MGME1: variants seen among roughly 807,000 people sequenced by gnomAD.
The protein encoded by MGME1 is chromosome 20 open reading frame 72.
In MGME1, 22 loss-of-function variants were observed where a neutral mutation model predicts 33.0. The observed-to-expected ratio is 0.67, with a 90% CI of 0.48 to 0.95. MGME1 has a LOEUF of 0.95. Ranked by LOEUF, MGME1 falls within the 40% of genes least tolerant of loss-of-function variation. The pLI is 0.00. For missense variants in MGME1, 383 were observed against 397.8 expected, an observed-to-expected ratio of 0.96 and a Z score of 0.32; for synonymous variants, 133 against 144.0, an observed-to-expected ratio of 0.92 and a Z score of 0.55.
chr20:17,981,685 GT>G (rs2036025848), intron 3 of MGME1, among the ~76,000 whole-genome samples: 3 of 147,306 alleles, frequency 2.0e-5, no homozygotes, highest in Non-Finnish European at 4.5e-5. Flanking sequence ...GTGTGTGTGT[GT>G]CAGAGTCTCG....
At chr20:17,978,558 G>A (rs2035926308) in intron 3 of MGME1, among the ~76,000 whole-genome samples, 1 of 152,030 alleles carries the variant, frequency 6.6e-6, no homozygotes, top group East Asian at 1.9e-4. Context: ...GAAGAGCCCT[G>A]TATACCAAGA....
At chr20:17,983,119 C>A (rs62209762) in intron 3 of MGME1, among the ~76,000 whole-genome samples, 43,434 of 151,970 alleles carry the variant, frequency 0.29, 6,840 homozygotes, top group African/African-American at 0.43. Context: ...TTTCTGAGTT[C>A]GACTTTTTTA....
intron 2 of MGME1, among the ~76,000 whole-genome samples, chr20:17,971,625 A>G (rs1377103697): frequency 1.3e-5 from 2 of 152,102 alleles, no homozygotes; most frequent in Non-Finnish European, 1.5e-5. Context: ...AAAGTAAGGA[A>G]GTGCACCAGA....
At chr20:17,970,512 C>T in intron 2 of MGME1, 142 bp downstream of exon 2, 1 of 762,508 alleles carries the variant, frequency 1.3e-6, no homozygotes, top group Non-Finnish European at 2.1e-6. Context: ...CATTAAATAG[C>T]ACTTTATGTG....
intron 3 of MGME1, among the ~76,000 whole-genome samples, chr20:17,986,957 G>A (rs918674910): frequency 1.3e-5 from 2 of 151,894 alleles, no homozygotes; most frequent in African/African-American, 4.8e-5. Flanking sequence ...AAGGCGGGTG[G>A]ATCACTTGAG....
At chr20:17,969,366 G>T (rs747214282) in intron 1 of MGME1, among the ~76,000 whole-genome samples, 4 of 152,186 alleles carry the variant, frequency 2.6e-5, no homozygotes, top group Admixed American at 1.3e-4. Flanking sequence ...CTGTGCAACG[G>T]GTTCATTCTA....
At chr20:17,978,375 T>C (rs2035921304) in intron 3 of MGME1, among the ~76,000 whole-genome samples, 2 of 152,076 alleles carry the variant, frequency 1.3e-5, no homozygotes, top group Non-Finnish European at 2.9e-5. Context: ...CGGCTAATTT[T>C]TGTGTTATTA....
rs79215485 is a variant in MGME1, at chr20:17,985,456, G to A, written c.732-2710G>A. ...TTAAAGAAGTTTATACAGTAAAAAA[G>A]TTACAGTAAGCTAAAGTTAATGTAT... On this transcript the variant is annotated intron_variant, in intron 3 of 4. Coordinates refer to ENST00000377710, the MANE Select transcript of MGME1 (RefSeq NM_052865.4). Among the ~76,000 whole-genome samples, 3 of 152,082 alleles carry A rather than the reference G, an allele frequency of 2.0e-5. No homozygotes were observed. The East Asian group carries it at 5.8e-4, about 29-fold the overall frequency.
chr20:17,981,642 A>G (rs967056557), intron 3 of MGME1, among the ~76,000 whole-genome samples: 3 of 131,826 alleles, frequency 2.3e-5, no homozygotes, highest in South Asian at 2.5e-4. Context: ...TGCCCAATCT[A>G]CTACTCGTGT....
intron 3 of MGME1, among the ~76,000 whole-genome samples, chr20:17,985,889 C>T (rs895263779): frequency 5.3e-5 from 8 of 152,302 alleles, no homozygotes; most frequent in African/African-American, 1.9e-4. Flanking sequence ...CCTAACCATG[C>T]ATTTCTCAGG....
chr20:17,981,648 C>CGTGTGTGTGTGTGT (rs10677204), intron 3 of MGME1, among the ~76,000 whole-genome samples: 23 of 139,810 alleles, frequency 1.6e-4, no homozygotes, highest in African/African-American at 5.3e-4. Flanking sequence ...ATCTACTACT[C>CGTGTGTGTGTGTGT]GTGTGTGTGT....
intron 2 of MGME1, among the ~76,000 whole-genome samples, chr20:17,975,385 C>T (rs2035832755): frequency 6.6e-6 from 1 of 151,828 alleles, no homozygotes; most frequent in Non-Finnish European, 1.5e-5. Context: ...GGTGAAACCC[C>T]ATCTCTACTA....
intron 3 of MGME1, among the ~76,000 whole-genome samples, chr20:17,986,688 G>A (rs945615936): frequency 3.6e-4 from 55 of 152,216 alleles, no homozygotes; most frequent in African/African-American, 1.3e-3. Context: ...TAAAGATTGC[G>A]TGGAACCTAT....
In MGME1 at chr20:17,969,794, C is replaced by T. The variant is rs181406678; in HGVS notation, c.-59-7C>T. Reference sequence around the variant, plus strand: ...TTTCGCTTTGATGGTTGTTTTCTCTCCAATAGGAATACAAACATAAAGGCC... The same window carrying T: ...TTTCGCTTTGATGGTTGTTTTCTCTTCAATAGGAATACAAACATAAAGGCC... On this transcript the variant is annotated splice_polypyrimidine_tract_variant and splice_region_variant and intron_variant, in intron 1 of 4. Transcript: ENST00000377710. 1.8e-5 allele frequency: 26 copies of T among 1,469,386 alleles called. No individual in the cohort carries two copies. In the East Asian group the frequency reaches 5.4e-4, roughly 31 times the overall value. The allele number at this position is 1,469,386 out of a possible 1,614,324, so 91.0% of individuals were successfully genotyped here. A position where few individuals can be genotyped will look rare whatever the true frequency, so the allele number is the denominator to read the frequency against.
chr20:17,979,815 C>CT lies in MGME1; in HGVS notation c.731+3913dup, dbSNP rs545689657. ...ATGCATTCAGGGCTCACTGCAGTCT[C>CT]TAACTCCCCAGGCTCAGGCTGTCCT... is the stretch of plus-strand genomic sequence containing the variant. On this transcript the variant is annotated intron_variant, in intron 3 of 4. Coordinates refer to ENST00000377710, the MANE Select transcript of MGME1 (RefSeq NM_052865.4). Among the ~76,000 whole-genome samples, 22 of 152,244 alleles carry CT rather than the reference C, an allele frequency of 1.4e-4. No individual in the cohort carries two copies. The East Asian group carries it at 3.7e-3, about 25-fold the overall frequency.
chr20:17,968,627 TC>T, upstream of MGME1: 5 of 621,848 alleles, frequency 8.0e-6, no homozygotes, highest in Non-Finnish European at 8.7e-6. Flanking sequence ...CGCCACGTGC[TC>T]CCCCAGAGCA....
chr20:17,981,471 G>A (rs954379778), intron 3 of MGME1, among the ~76,000 whole-genome samples: 3 of 152,194 alleles, frequency 2.0e-5, no homozygotes, highest in Non-Finnish European at 4.4e-5. Flanking sequence ...TGCATACTAT[G>A]TATTCAGTAG....
intron 3 of MGME1, among the ~76,000 whole-genome samples, chr20:17,977,514 A>G (rs538389365): frequency 1.3e-5 from 2 of 152,324 alleles, no homozygotes; most frequent in East Asian, 3.9e-4. Context: ...CCTGAAAGTA[A>G]GAGGAGGAAC....
chr20:17,972,543 A>G (rs1368288223), intron 2 of MGME1, among the ~76,000 whole-genome samples: 1 of 151,070 alleles, frequency 6.6e-6, no homozygotes, highest in African/African-American at 2.4e-5. Context: ...TTTTTAGTGC[A>G]CTTCATATAC....
Sources: gnomAD v4.1 joint callset for allele counts (sites outside exome capture counted in the v4.1 genomes callset) on GRCh38, gnomAD v4.1.1 for gene constraint, MANE v1.5 for transcripts, NCBI Gene and HGNC (gene_info 2026-07-23, HGNC 2026-07-21) for gene names.